Variants in ANK2 observed in about 807,000 individuals in gnomAD.
ANK2 encodes ankyrin-2.
A neutral mutation model predicts 360.5 loss-of-function variants in ANK2; 83 were observed. That is an observed-to-expected ratio of 0.23 (90% confidence interval 0.19 to 0.28). The LOEUF (loss-of-function observed/expected upper bound fraction) is 0.28, where lower values mean the gene tolerates loss of function less well. ANK2 is among the 10% of genes least tolerant of loss of function. ANK2 has a pLI of 1.00. For synonymous variants in ANK2, 1,740 were observed against 1,759.5 expected (o/e 0.99, Z 0.28); for missense variants, 4,201 against 4,795.7 (o/e 0.88, Z 3.66).
the ANK2 span, among the ~76,000 whole-genome samples, chr4:112,755,455 G>C: frequency 6.6e-6 from 1 of 152,198 alleles, no homozygotes; most frequent in Non-Finnish European, 1.5e-5. Context: ...GTCAGCAAAG[G>C]GTGGTGGGAT....
intron 2 of ANK2, among the ~76,000 whole-genome samples, chr4:113,187,847 C>A (rs1174603599): frequency 6.6e-6 from 1 of 152,104 alleles, no homozygotes; most frequent in Non-Finnish European, 1.5e-5. Flanking sequence ...TTGGGCCAGC[C>A]ACTTAAATCA....
intron 13 of ANK2, among the ~76,000 whole-genome samples, chr4:113,262,766 A>G (rs1392432947): frequency 6.6e-6 from 1 of 152,156 alleles, no homozygotes; most frequent in Non-Finnish European, 1.5e-5. Flanking sequence ...GATTATGTGC[A>G]TAGGTTACTT....
chr4:112,912,554 G>A (rs1050086950), intron 2 of ANK2, among the ~76,000 whole-genome samples: 1 of 151,756 alleles, frequency 6.6e-6, no homozygotes, highest in Non-Finnish European at 1.5e-5. Context: ...GAATCCCAAA[G>A]TAAAAATATA....
intron 10 of ANK2, among the ~76,000 whole-genome samples, chr4:113,253,473 A>G (rs949731169): frequency 6.6e-6 from 1 of 152,168 alleles, no homozygotes; most frequent in Admixed American, 6.5e-5. Context: ...TCTCCTGGGC[A>G]TCTCAAATTT....
intron 2 of ANK2, 45 bp from the exon 3 acceptor site, chr4:113,196,323 C>A (rs762768811): frequency 1.9e-5 from 27 of 1,449,448 alleles, no homozygotes; most frequent in Non-Finnish European, 2.6e-5. Context: ...GCACTATTTT[C>A]CTCATTACTT....
chr4:112,778,748 GGGAATGT>G, the ANK2 span, among the ~76,000 whole-genome samples: 1 of 152,236 alleles, frequency 6.6e-6, no homozygotes, highest in African/African-American at 2.4e-5. Flanking sequence ...TTGTGTTTAG[GGGAATGT>G]GGAATGTGGG....
chr4:113,351,280 C>T (rs990760872), intron 37 of ANK2, among the ~76,000 whole-genome samples: 1 of 151,986 alleles, frequency 6.6e-6, no homozygotes, highest in Admixed American at 6.6e-5. Flanking sequence ...GCTCATGTGG[C>T]CCTACACAAT....
intron 2 of ANK2, among the ~76,000 whole-genome samples, chr4:112,905,536 T>A (rs2084900471): frequency 1.3e-5 from 2 of 152,244 alleles, no homozygotes; most frequent in Admixed American, 1.3e-4. Flanking sequence ...CCTCTTTGAA[T>A]GATAATTATT....
intron 2 of ANK2, among the ~76,000 whole-genome samples, chr4:112,907,851 G>T (rs1261449191): frequency 6.6e-6 from 1 of 152,032 alleles, no homozygotes; most frequent in African/African-American, 2.4e-5. Flanking sequence ...AATTAATTTT[G>T]CTGACCAGGA....
intron 1 of ANK2, among the ~76,000 whole-genome samples, chr4:112,857,485 A>G (rs1409259657): frequency 6.6e-6 from 1 of 152,156 alleles, no homozygotes; most frequent in African/African-American, 2.4e-5. Context: ...ATATTGAAAA[A>G]CTACTGGGAA....
In ANK2 at chr4:113,000,326, G is replaced by T. The variant is rs537849900; in HGVS notation, c.21+95812G>T. Among the ~76,000 whole-genome samples the T allele has an allele frequency of 2.6e-5, 4 of 152,314 alleles. No homozygotes were observed. In the East Asian group the frequency reaches 5.8e-4, roughly 22 times the overall value. ...AGATGGACACCTTCATTCACGAAGG[G>T]AAATTTATGCTATCTTCACAAAGGG... On this transcript the variant is annotated intron_variant, in intron 2 of 30. Coordinates refer to the ANK2 transcript ENST00000503271.
intron 1 of ANK2, among the ~76,000 whole-genome samples, chr4:112,840,624 T>G (rs1268125111): frequency 6.6e-6 from 1 of 152,140 alleles, no homozygotes; most frequent in Non-Finnish European, 1.5e-5. Context: ...TAGGATTCAT[T>G]TAGGGACGGA....
intron 1 of ANK2, among the ~76,000 whole-genome samples, chr4:113,150,604 G>A (rs987876165): frequency 6.6e-5 from 10 of 152,162 alleles, no homozygotes; most frequent in Non-Finnish European, 1.3e-4. Context: ...GCCAAAGCAG[G>A]ACTTTGAATA....
the ANK2 span, among the ~76,000 whole-genome samples, chr4:112,743,363 A>G: frequency 6.6e-6 from 1 of 152,144 alleles, no homozygotes; most frequent in Non-Finnish European, 1.5e-5. Context: ...ATTCGAGACC[A>G]TTATAAAAGA....
chr4:112,824,639 G>C (rs991379657), intron 1 of ANK2, among the ~76,000 whole-genome samples: 3 of 151,998 alleles, frequency 2.0e-5, no homozygotes, highest in Non-Finnish European at 4.4e-5. Context: ...AGGTAGCTGG[G>C]ACTACAGACA....
chr4:113,323,827 G>A (rs1331517567), intron 26 of ANK2: 1 of 1,600,238 alleles, frequency 6.2e-7, no homozygotes, highest in Admixed American at 1.7e-5. Flanking sequence ...CTCTGAACAT[G>A]TTGCCTATTC....
intron 2 of ANK2, among the ~76,000 whole-genome samples, chr4:112,931,433 CTTTTTTTTTTTTTT>C (rs59802557): frequency 1.2e-5 from 1 of 85,266 alleles, no homozygotes; most frequent in Non-Finnish European, 2.2e-5. Flanking sequence ...TCTTTCTTTT[CTTTTTTTTTTTTTT>C]TTTTTTTTTG....
chr4:112,993,398 G>A (rs972685416), intron 2 of ANK2, among the ~76,000 whole-genome samples: 1 of 151,914 alleles, frequency 6.6e-6, no homozygotes, highest in Non-Finnish European at 1.5e-5. Context: ...CACCTCCCAG[G>A]TTCAAGCAAT....
chr4:112,956,643 C>T (rs571326908), intron 2 of ANK2, among the ~76,000 whole-genome samples: 30 of 152,294 alleles, frequency 2.0e-4, no homozygotes, highest in African/African-American at 6.7e-4. Flanking sequence ...CAAAATGGCA[C>T]GCAGTTTAAA....
Sources: allele counts gnomAD v4.1 joint callset (sites outside exome capture counted in the v4.1 genomes callset), GRCh38; gene constraint gnomAD v4.1.1; transcripts MANE v1.5; gene names NCBI Gene and HGNC (gene_info 2026-07-23, HGNC 2026-07-21).